CELSR1: variants seen among roughly 807,000 people sequenced by gnomAD.
CELSR1 encodes the protein adhesion G protein-coupled receptor C1.
In CELSR1, 110 loss-of-function variants were observed where a neutral mutation model predicts 249.1. The observed-to-expected ratio is 0.44, with a 90% confidence interval of 0.38 to 0.52. The LOEUF (loss-of-function observed/expected upper bound fraction) is 0.52. CELSR1 is among the 20% of genes least tolerant of loss of function. The pLI is 0.00. For synonymous variants in CELSR1, 2,113 were observed against 1,900.0 expected, an observed-to-expected ratio of 1.11 and a Z score of -2.92; for missense variants, 4,109 against 4,296.4, an observed-to-expected ratio of 0.96 and a Z score of 1.22.
chr22:46,536,770 G>T lies in CELSR1; in HGVS notation c.401C>A (p.Pro134His). Residue 134 changes from proline (P) to histidine (H), a missense_variant, in exon 1 of 35, where the codon CCC becomes CAC. This residue lies in a region of CELSR1 where 673 missense variants were observed against 636.8 expected (regional missense o/e 1.06). Coordinates refer to ENST00000674500, the MANE Select transcript of CELSR1 (RefSeq NM_001378328.1). ...GARLCGALCF[P>H]VPGGCAAAQH... ...CGCGGCCGCGCAGCCGCCGGGGACGGGGAAGCAGAGCGCCCCGCAGAGCCG... is the reference window on the plus strand; with the variant it reads ...CGCGGCCGCGCAGCCGCCGGGGACGTGGAAGCAGAGCGCCCCGCAGAGCCG... The T allele has an allele frequency of 8.4e-7, 1 of 1,185,082 alleles. No individual in the cohort carries two copies. The highest frequency in any genetic ancestry group is 1.0e-6 in the Non-Finnish European group (1 of 959,286). The allele number at this position is 1,185,082 out of a possible 1,614,324, so 73.4% of individuals were successfully genotyped here.
rs1368363964 is a variant in CELSR1, at chr22:46,391,663, A to T, written c.6118T>A (p.Phe2040Ile). 2 of 1,606,870 alleles carry T rather than the reference A, an allele frequency of 1.2e-6. No homozygotes were observed. Among genetic ancestry groups the T allele is most frequent in the Non-Finnish European group, 8.5e-7 (1 of 1,178,398 alleles). Residue 2040 changes from phenylalanine (F) to isoleucine (I), a missense_variant, in exon 15 of 35, where the codon TTT becomes ATT. By Grantham distance (21) the Phe-to-Ile change is conservative. Around this residue, in one of 7 missense-constraint regions of CELSR1, gnomAD observed 1,805 missense variants for 1,831.6 expected, o/e 0.99. Coordinates refer to ENST00000674500, the MANE Select transcript of CELSR1 (RefSeq NM_001378328.1). This position sits in a 1 kb window ranked among gnomAD's most constrained non-coding sequence, Gnocchi z 4.3. Reference sequence around the variant, plus strand: ...CAGCCGAGCGTGGTGACCTCGGCAAACGGGTTGTCGCAGCGGTTGCACTGG... The same window carrying T: ...CAGCCGAGCGTGGTGACCTCGGCAATCGGGTTGTCGCAGCGGTTGCACTGG... Reference protein sequence around the residue: ...GRQCNRCDNPFAEVTTLGCEV... With the variant: ...GRQCNRCDNPIAEVTTLGCEV...
At chr22:46,420,620 G>A (rs2079459517) in intron 5 of CELSR1, among the ~76,000 whole-genome samples, 1 of 149,990 alleles carries the variant, frequency 6.7e-6, no homozygotes, top group Non-Finnish European at 1.5e-5. Flanking sequence ...ATACTCACCT[G>A]TACACACTCA....
At position 46,381,706 on chromosome 22, in the gene CELSR1, G is replaced by T. The variant is rs2078979261; in HGVS notation, c.7088+140C>A. On this transcript the variant is annotated intron_variant, in intron 21 of 34. Transcript: ENST00000674500. This position sits in a 1 kb window ranked among gnomAD's most constrained non-coding sequence, Gnocchi z 6.0. Reference sequence around the variant, plus strand: ...CCTCCAAGGACCACCACAAGGCAATGGTCTCTGTCTCTGGGCCAGGGTCAC... The same window carrying T: ...CCTCCAAGGACCACCACAAGGCAATTGTCTCTGTCTCTGGGCCAGGGTCAC... 1.3e-6 allele frequency: 1 copy of T among 783,558 alleles called. No homozygotes were observed. The highest frequency in any genetic ancestry group is 1.7e-5 in the African/African-American group (1 of 57,516). The allele number at this position is 783,558 out of a possible 1,614,324, so 48.5% of individuals were successfully genotyped here. A position where few individuals can be genotyped will look rare whatever the true frequency, so the allele number is the denominator to read the frequency against.
intron 20 of CELSR1, among the ~76,000 whole-genome samples, chr22:46,383,540 C>G (rs8138097): frequency 0.16 from 24,382 of 152,092 alleles, 3,059 homozygotes; most frequent in African/African-American, 0.36. Context: ...AGCTTTCCCC[C>G]CAACCAGACA....
intron 5 of CELSR1, among the ~76,000 whole-genome samples, chr22:46,432,909 G>A (rs577191675): frequency 1.3e-4 from 20 of 152,252 alleles, no homozygotes; most frequent in African/African-American, 4.8e-4. Context: ...GGGCTCAGGT[G>A]TATTTACACA....
At chr22:46,485,414 T>C in intron 1 of CELSR1, among the ~76,000 whole-genome samples, 1 of 152,082 alleles carries the variant, frequency 6.6e-6, no homozygotes, top group East Asian at 1.9e-4. Flanking sequence ...GATGCCTATT[T>C]TGAAACCAGT....
Position 46,536,624 on chromosome 22 carries a change from G to A in CELSR1, c.547C>T (p.Leu183=). The A allele has an allele frequency of 1.7e-6, 2 of 1,171,118 alleles. No individual in the cohort carries two copies. 72.5% of individuals were successfully genotyped at this position (1,171,118 alleles called of 1,614,324 possible). ...LPPGGSVRLR[L]LCALRRAAGA... ...GCCGCGCGCCGCAGGGCGCACAGCAGACGCAGGCGGACCGAGCCGCCCGGC... is the reference window on the plus strand; with the variant it reads ...GCCGCGCGCCGCAGGGCGCACAGCAAACGCAGGCGGACCGAGCCGCCCGGC... Residue 183 remains leucine, a synonymous_variant, in exon 1 of 35, where the codon CTG becomes TTG. Coordinates refer to ENST00000674500, the MANE Select transcript of CELSR1 (RefSeq NM_001378328.1).
rs3788682 is a variant in CELSR1, at chr22:46,428,489, G to A, written c.4611+4904C>T. ...TCCACCTGAAGCTACCAGGACTCCC[G>A]CTAGCTGAGCTCCCGTCTCACTAGC... On this transcript the variant is annotated intron_variant, in intron 5 of 34. Transcript: ENST00000674500. The surrounding 1 kb of genome is among the most constrained non-coding windows in gnomAD (Gnocchi z 5.7). Among the ~76,000 whole-genome samples the A allele has an allele frequency of 3.3e-5, 5 of 152,190 alleles. No individual in the cohort carries two copies. Among genetic ancestry groups the A allele is most frequent in the South Asian group, 2.1e-4 (1 of 4,824 alleles).
rs116689292 is a variant in CELSR1, at chr22:46,446,717, A to C, written c.4184-7306T>G. On this transcript the variant is annotated intron_variant, in intron 2 of 34. Transcript: ENST00000674500. The surrounding 1 kb of genome is among the most constrained non-coding windows in gnomAD (Gnocchi z 5.5). ...TTCCAAGCCAATGACTGATGCCTGC[A>C]CTTAATCCATGAGTTACAAAACGAC... Among the ~76,000 whole-genome samples, 734 of 152,362 alleles carry C rather than the reference A, an allele frequency of 4.8e-3. 4 individuals are homozygous for C. Among genetic ancestry groups the C allele is most frequent in the Middle Eastern group, 0.027 (8 of 294 alleles).
In CELSR1 at chr22:46,411,564, G is replaced by A; in HGVS notation, c.4769+38C>T. ...GGCCGCAGGGTGAGCATGTTTGGGG[G>A]TACGGACCCCCAGGGCCTCCCCTCC... On this transcript the variant is annotated intron_variant, in intron 6 of 34. Transcript: ENST00000674500. The surrounding 1 kb of genome is among the most constrained non-coding windows in gnomAD (Gnocchi z 4.2). 1 of 1,611,794 alleles carries A rather than the reference G, an allele frequency of 6.2e-7. No individual in the cohort carries two copies. The highest frequency in any genetic ancestry group is 8.5e-7 in the Non-Finnish European group (1 of 1,178,916).
intron 9 of CELSR1, among the ~76,000 whole-genome samples, chr22:46,403,275 G>A (rs752423983): frequency 3.4e-4 from 52 of 152,170 alleles, no homozygotes; most frequent in Non-Finnish European, 6.2e-4. Flanking sequence ...ATAGGCTGGC[G>A]CGGTGGCTTA....
rs1204499367 is a variant in CELSR1 at position 46,447,132 on chromosome 22, C to A, written c.4184-7721G>T. Among the ~76,000 whole-genome samples the A allele has an allele frequency of 6.6e-6, 1 of 152,036 alleles. No homozygotes were observed. The highest frequency in any genetic ancestry group is 2.4e-5 in the African/African-American group (1 of 41,416). ...CTCCCCACCAACCCTCAGGGAGAAT[C>A]CTGAATTGGCGGCATTTGTAAACAC... On this transcript the variant is annotated intron_variant, in intron 2 of 34. Coordinates refer to ENST00000674500, the MANE Select transcript of CELSR1 (RefSeq NM_001378328.1). The surrounding 1 kb of genome is among the most constrained non-coding windows in gnomAD (Gnocchi z 4.7).
rs375307146 is a variant in CELSR1, at chr22:46,364,133, CGTGCGCGAGGAT to C, written c.8886_8897del (p.Arg2965_Ser2968del). ...CGGGGCCGCCAGAGCCCAGGGAAGA[CGTGCGCGAGGAT>C]GTGGGGCTCTGCTCACAGTCGGCCA... is the stretch of plus-strand genomic sequence containing the variant. On this transcript the variant is annotated inframe_deletion, in exon 34 of 35. Coordinates refer to ENST00000674500, the MANE Select transcript of CELSR1 (RefSeq NM_001378328.1). The C allele has an allele frequency of 1.5e-3, 2,394 of 1,612,304 alleles. 33 individuals carry two copies. The African/African-American group carries it at 0.028, about 19-fold the overall frequency.
rs1284648510 is a variant in CELSR1, at chr22:46,408,069, A to G, written c.5226+927T>C. Among the ~76,000 whole-genome samples, 1 of 149,872 alleles carries G rather than the reference A, an allele frequency of 6.7e-6. No homozygotes were observed. The highest frequency in any genetic ancestry group is 1.5e-5 in the Non-Finnish European group (1 of 68,024). On this transcript the variant is annotated intron_variant, in intron 9 of 34. Transcript: ENST00000674500. This position sits in a 1 kb window ranked among gnomAD's most constrained non-coding sequence, Gnocchi z 4.6. Reference sequence around the variant, plus strand: ...CAGGGCTCATAACTGTTTCTCAAACAAAGTGTCTACGGAGCATGGAAGATG... The same window carrying G: ...CAGGGCTCATAACTGTTTCTCAAACGAAGTGTCTACGGAGCATGGAAGATG...
At position 46,436,178 on chromosome 22, in the gene CELSR1, A is replaced by AGAAGGCCCCACCTGCG. The variant is rs768467194; in HGVS notation, c.4517_4518insCGCAGGTGGGGCCTTC (p.Glu1509GlyfsTer21). 7,566 of 1,612,190 alleles carry AGAAGGCCCCACCTGCG rather than the reference A, an allele frequency of 4.7e-3. 24 individuals carry two copies. Among genetic ancestry groups the AGAAGGCCCCACCTGCG allele is most frequent in the Non-Finnish European group, 5.7e-3 (6,749 of 1,178,392 alleles). On this transcript the variant is annotated frameshift_variant, in exon 4 of 35. Coordinates refer to ENST00000674500, the MANE Select transcript of CELSR1 (RefSeq NM_001378328.1). LOFTEE classifies it high-confidence loss of function. This position sits in a 1 kb window ranked among gnomAD's most constrained non-coding sequence, Gnocchi z 5.9. ...TTCCTGGGGAGAAGGCCCCACCTGCAGAGAAGGTGAGCTGCACCTGCTCGT... is the reference window on the plus strand; with the variant it reads ...TTCCTGGGGAGAAGGCCCCACCTGCAGAAGGCCCCACCTGCGGAGAAGGTGAGCTGCACCTGCTCGT...
intron 1 of CELSR1, among the ~76,000 whole-genome samples, chr22:46,487,530 A>G (rs1602202609): frequency 7.2e-5 from 6 of 82,832 alleles, no homozygotes; most frequent in Admixed American, 4.4e-4. Context: ...GGTGAGCCCC[A>G]CGGGGGAGGG....
rs769421847 is a variant in CELSR1 at position 46,534,472 on chromosome 22, G to A, written c.2699C>T (p.Ser900Phe). 2 of 1,613,170 alleles carry A rather than the reference G, an allele frequency of 1.2e-6. No individual in the cohort carries two copies. Among genetic ancestry groups the A allele is most frequent in the African/African-American group, 2.7e-5 (2 of 75,062 alleles). Residue 900 changes from serine to phenylalanine, a missense_variant, in exon 1 of 35, where the codon TCC (serine) becomes TTC (phenylalanine). Coordinates refer to ENST00000674500, the MANE Select transcript of CELSR1 (RefSeq NM_001378328.1). The surrounding 1 kb of genome is among the most constrained non-coding windows in gnomAD (Gnocchi z 9.7). ...PQFLWDFYQG[S>F]IFEDAPPSTS... ...CGAGGGTGGAGCATCCTCAAAGATG[G>A]AACCCTGGTAGAAATCCCACAGGAA...
Position 46,471,501 on chromosome 22 carries a change from T to C in CELSR1, c.3545-7156A>G, listed in dbSNP as rs2080154876. On this transcript the variant is annotated intron_variant, in intron 1 of 34. Coordinates refer to ENST00000674500, the MANE Select transcript of CELSR1 (RefSeq NM_001378328.1). This position sits in a 1 kb window ranked among gnomAD's most constrained non-coding sequence, Gnocchi z 4.9. ...AGCTCCTGGGCTCAAGTGATCCTCC[T>C]GCCTCAGCCTCCTGAGAAGCTAGGA... 1.3e-5 allele frequency among the ~76,000 whole-genome samples: 2 copies of C among 152,148 alleles called. No individual in the cohort carries two copies. The highest frequency in any genetic ancestry group is 4.8e-5 in the African/African-American group (2 of 41,456).
chr22:46,533,077 G>T (rs2080808734), intron 1 of CELSR1, among the ~76,000 whole-genome samples: 1 of 152,162 alleles, frequency 6.6e-6, no homozygotes, highest in African/African-American at 2.4e-5. Context: ...CTTGCACAAA[G>T]CCCTACACAC....
Sources: allele counts gnomAD v4.1 joint callset (sites outside exome capture counted in the v4.1 genomes callset), GRCh38; gene constraint gnomAD v4.1.1; regional missense constraint gnomAD v4.1.1; non-coding constraint Gnocchi (gnomAD v3.1); transcripts MANE v1.5; gene names NCBI Gene and HGNC (gene_info 2026-07-23, HGNC 2026-07-21).